Variants in USH1C observed in about 807,000 individuals in gnomAD.
The protein encoded by USH1C is harmonin.
A neutral mutation model predicts 119.3 loss-of-function variants in USH1C; 90 were observed. The observed-to-expected ratio is 0.75, with a 90% CI of 0.64 to 0.90. USH1C has a LOEUF of 0.90. USH1C is among the 40% of genes least tolerant of loss of function. The pLI is 0.00. For synonymous variants in USH1C, 465 were observed against 443.3 expected, an observed-to-expected ratio of 1.05 and a Z score of -0.62; for missense variants, 1,165 against 1,167.7, an observed-to-expected ratio of 1.00 and a Z score of 0.03.
chr11:17,513,415 G>A (rs1053068079), intron 15 of USH1C, among the ~76,000 whole-genome samples: 2 of 152,134 alleles, frequency 1.3e-5, no homozygotes, highest in Non-Finnish European at 2.9e-5. Context: ...CAGGAATAAG[G>A]AATTGAGCTC....
At chr11:17,501,402 G>T in intron 22 of USH1C, 80 bp downstream of exon 22, 1 of 1,503,546 alleles carries the variant, frequency 6.7e-7, no homozygotes, top group Non-Finnish European at 9.1e-7. Flanking sequence ...GTGACCTTGA[G>T]AGTAGAGGCA....
intron 18 of USH1C, 110 bp downstream of exon 18, chr11:17,509,246 G>A (rs1849763147): frequency 7.0e-7 from 1 of 1,420,278 alleles, no homozygotes; most frequent in African/African-American, 1.4e-5. Flanking sequence ...AATGGGGTGA[G>A]ATGATGTTTC....
rs2240487 is a variant in USH1C, at chr11:17,520,892, T to C, written c.1188A>G (p.Pro396=). 927,980 of 1,613,522 alleles carry C rather than the reference T, an allele frequency of 0.58. 270,528 individuals carry two copies. Among genetic ancestry groups the C allele is most frequent in the East Asian group, 0.67 (30,175 of 44,862 alleles). ...LPKTITAEVH[P]VPLRKPKSFG... ...TACACTTTGGCTTGCGAAGGGGTAC[T>C]GGGTGTACCTCAGCAGTGATGGTTT... The change falls in exon 14 of 27, where the codon CCA becomes CCG. Residue 396 remains proline, a synonymous_variant. Transcript: ENST00000005226.
At chr11:17,498,057 A>G (rs1849302856) in intron 24 of USH1C, 105 bp downstream of exon 24, 2 of 1,000,340 alleles carry the variant, frequency 2.0e-6, no homozygotes, top group South Asian at 1.4e-5. Context: ...TGGACTCCAG[A>G]TGCCCACCCT....
Position 17,501,050 on chromosome 11 carries a change from C to T in USH1C, c.2380+1G>A, listed in dbSNP as rs1060499916. On this transcript the variant is annotated splice_donor_variant, in intron 23 of 26. Coordinates refer to ENST00000005226, the MANE Select transcript of USH1C (RefSeq NM_153676.4). LOFTEE classifies it high-confidence loss of function. ...CCTGGGTGTGGCTAGTCTCCACTCACCATGCCGCTCAGCAGCTCCCCGCTC... is the reference window on the plus strand; with the variant it reads ...CCTGGGTGTGGCTAGTCTCCACTCATCATGCCGCTCAGCAGCTCCCCGCTC... 1.2e-6 allele frequency: 2 copies of T among 1,613,100 alleles called. No individual in the cohort carries two copies. Among genetic ancestry groups the T allele is most frequent in the East Asian group, 4.5e-5 (2 of 44,836 alleles).
intron 14 of USH1C, chr11:17,517,583 G>C (rs375281589): frequency 7.5e-5 from 83 of 1,110,428 alleles, no homozygotes; most frequent in Non-Finnish European, 1.0e-4. Flanking sequence ...CTTCCTCCAT[G>C]GGAGCTGTGA....
At position 17,524,525 on chromosome 11, in the gene USH1C, C is replaced by A. The variant is rs759639970; in HGVS notation, c.685G>T (p.Gly229Cys). The A allele has an allele frequency of 4.5e-6, 7 of 1,562,000 alleles. No homozygotes were observed. Among genetic ancestry groups the A allele is most frequent in the Non-Finnish European group, 6.1e-6 (7 of 1,151,848 alleles). ...SRGLGCSISS[G>C]PIQKPGIFIS... ...AAGATGCCAGGCTTCTGGATGGGGC[C>A]GCTGGAAATGCTGCGGGAGGTGGGA... Residue 229 changes from glycine to cysteine, a missense_variant, in exon 9 of 27, where the codon GGC becomes TGC. Transcript: ENST00000005226.
intron 18 of USH1C, among the ~76,000 whole-genome samples, 171 bp from the exon 19 acceptor site, chr11:17,506,120 C>G (rs528057437): frequency 6.6e-6 from 1 of 152,322 alleles, no homozygotes; most frequent in South Asian, 2.1e-4. Flanking sequence ...AGATGAGAAG[C>G]CCATTGGCCA....
chr11:17,505,775 G>T (rs1003272817), intron 19 of USH1C, 55 bp downstream of exon 19: 1 of 1,612,230 alleles, frequency 6.2e-7, no homozygotes, highest in South Asian at 1.1e-5. Context: ...GCCCAGGGGA[G>T]GTAGCCCTGG....
rs925066449 is a variant in USH1C at position 17,544,374 on chromosome 11, G to A, written c.-67C>T. 1.2e-6 allele frequency: 2 copies of A among 1,610,398 alleles called. No individual in the cohort carries two copies. Among genetic ancestry groups the A allele is most frequent in the African/African-American group, 2.7e-5 (2 of 74,982 alleles). ...TTCGGGTGCCCGGCTGCCAGGAGCT[G>A]GAAAGAGCCGCGACCGCGACCGGGC... On this transcript the variant is annotated 5_prime_UTR_variant, in exon 1 of 27. Coordinates refer to ENST00000005226, the MANE Select transcript of USH1C (RefSeq NM_153676.4).
chr11:17,510,647 G>T, intron 16 of USH1C, 126 bp from the exon 17 acceptor site: 1 of 766,318 alleles, frequency 1.3e-6, no homozygotes, highest in Non-Finnish European at 2.3e-6. Context: ...CAGCTATCTA[G>T]AAAGAGACCT....
intron 20 of USH1C, among the ~76,000 whole-genome samples, chr11:17,504,328 T>C (rs1849556458): frequency 6.6e-6 from 1 of 152,222 alleles, no homozygotes; most frequent in South Asian, 2.1e-4. Context: ...AGGGCCCATC[T>C]TGGCCTCTGT....
chr11:17,537,762 A>G (rs910647221), intron 1 of USH1C, among the ~76,000 whole-genome samples: 10 of 152,072 alleles, frequency 6.6e-5, no homozygotes, highest in African/African-American at 1.7e-4. Context: ...TGTCTGGCTC[A>G]CTTATCCCAG....
intron 8 of USH1C, among the ~76,000 whole-genome samples, chr11:17,525,081 TG>T (rs1211353144): frequency 2.6e-5 from 4 of 152,236 alleles, no homozygotes; most frequent in African/African-American, 9.6e-5. Flanking sequence ...ACGGCAAGGA[TG>T]GTACATGTAC....
intron 26 of USH1C, among the ~76,000 whole-genome samples, chr11:17,495,340 T>C (rs1425067496): frequency 6.6e-6 from 1 of 152,126 alleles, no homozygotes; most frequent in Non-Finnish European, 1.5e-5. Context: ...GACACCTGGG[T>C]CCCAAGCAAG....
chr11:17,516,125 A>T, intron 15 of USH1C, 116 bp downstream of exon 15: 1 of 1,181,938 alleles, frequency 8.5e-7, no homozygotes, highest in Non-Finnish European at 1.2e-6. Context: ...TTAGCCTTCC[A>T]AGTGAACAGG....
At chr11:17,499,427 C>T (rs1039459911) in intron 23 of USH1C, among the ~76,000 whole-genome samples, 1 of 152,212 alleles carries the variant, frequency 6.6e-6, no homozygotes, top group Non-Finnish European at 1.5e-5. Flanking sequence ...GGGTGACTTT[C>T]ACCTTTTCAT....
chr11:17,543,773 G>A (rs571028550), intron 1 of USH1C, among the ~76,000 whole-genome samples: 6 of 152,206 alleles, frequency 3.9e-5, no homozygotes, highest in Admixed American at 2.0e-4. Context: ...CCTAAGAAAC[G>A]CCCTTAGGCA....
rs1849423115 is a variant in USH1C, at chr11:17,501,081, C to T, written c.2350G>A (p.Val784Met). 2 of 1,614,098 alleles carry T rather than the reference C, an allele frequency of 1.2e-6. No homozygotes were observed. The highest frequency in any genetic ancestry group is 8.5e-7 in the Non-Finnish European group (1 of 1,180,004). Residue 784 changes from valine to methionine, a missense_variant, in exon 23 of 27, where the codon GTG (valine) becomes ATG (methionine). Transcript: ENST00000005226. ...SPIGKVVVSA[V>M]YERGAAERHG... ...CGCTCAGCAGCTCCCCGCTCATACA[C>T]AGCAGAAACGACCACCTTCCCAATG...
Sources: allele counts gnomAD v4.1 joint callset (sites outside exome capture counted in the v4.1 genomes callset), GRCh38; gene constraint gnomAD v4.1.1; transcripts MANE v1.5; gene names NCBI Gene and HGNC (gene_info 2026-07-23, HGNC 2026-07-21).